The following SMAP1 variants were observed in gnomAD, a reference collection of about 807,000 sequenced individuals.
SMAP1 encodes small ArfGAP 1, also known as stromal membrane-associated protein 1.
In SMAP1, 24 loss-of-function variants were observed where a neutral mutation model predicts 58.5. That is an observed-to-expected ratio of 0.41 (90% CI 0.30 to 0.58). SMAP1 has a LOEUF of 0.58. Ranked by LOEUF, SMAP1 falls within the 20% of genes least tolerant of loss-of-function variation. The pLI, the probability that SMAP1 is intolerant of heterozygous loss-of-function variation, is 0.29. For missense variants in SMAP1, 563 were observed against 566.3 expected (o/e 0.99, Z 0.06); for synonymous variants, 216 against 196.6 (o/e 1.10, Z -0.82).
At chr6:70,816,052 CAG>C (rs1015555216) in intron 6 of SMAP1, among the ~76,000 whole-genome samples, 3 of 151,986 alleles carry the variant, frequency 2.0e-5, no homozygotes, top group Admixed American at 6.6e-5. Context: ...CAATAGGAGA[CAG>C]AGTGTGGAGG....
In SMAP1 at chr6:70,760,875, T is replaced by TCC; in HGVS notation, c.338+5810_338+5811insCC. Among the ~76,000 whole-genome samples, 3 of 152,196 alleles carry TCC rather than the reference T, an allele frequency of 2.0e-5. No homozygotes were observed. In the Middle Eastern group the frequency reaches 0.01, roughly 518 times the overall value. On this transcript the variant is annotated intron_variant, in intron 3 of 10. Transcript: ENST00000370455. Reference sequence around the variant, plus strand: ...GTGTAATTTCTAATGTGGGATGTGGTTAATTATAGGCTGCATGTCCTAGTG... The same window carrying TCC: ...GTGTAATTTCTAATGTGGGATGTGGTCCTAATTATAGGCTGCATGTCCTAGTG...
chr6:70,833,351 C>G (rs1228753708), intron 6 of SMAP1, among the ~76,000 whole-genome samples: 1 of 152,156 alleles, frequency 6.6e-6, no homozygotes. Flanking sequence ...AAAGTAATCT[C>G]TAAAATCACC....
At chr6:70,765,925 A>G (rs1312302219) in intron 3 of SMAP1, among the ~76,000 whole-genome samples, 2 of 123,834 alleles carry the variant, frequency 1.6e-5, no homozygotes, top group Non-Finnish European at 3.2e-5. Context: ...TCCCCAGAGT[A>G]TGATGTTCCC....
intron 4 of SMAP1, among the ~76,000 whole-genome samples, chr6:70,786,514 G>C (rs1188810868): frequency 6.9e-6 from 1 of 145,722 alleles, no homozygotes; most frequent in Non-Finnish European, 1.5e-5. Flanking sequence ...AAGTCAAATT[G>C]TCCCTGTTTG....
chr6:70,773,058 T>A (rs949408974), intron 3 of SMAP1: 3 of 297,318 alleles, frequency 1.0e-5, no homozygotes, highest in Non-Finnish European at 1.9e-5. Flanking sequence ...AGTGTGGTGA[T>A]GCATTGATAG....
chr6:70,730,697 A>G (rs1356196120), intron 1 of SMAP1, among the ~76,000 whole-genome samples: 3 of 152,192 alleles, frequency 2.0e-5, no homozygotes, highest in Non-Finnish European at 4.4e-5. Flanking sequence ...TAATTTTACT[A>G]TATTGTACTT....
intron 3 of SMAP1, among the ~76,000 whole-genome samples, chr6:70,766,983 G>T (rs1767017835): frequency 1.3e-5 from 2 of 151,926 alleles, no homozygotes; most frequent in African/African-American, 4.8e-5. Flanking sequence ...AGTTTTCCCA[G>T]CATCATTTAT....
At chr6:70,756,679 A>T (rs1766504826) in intron 3 of SMAP1, among the ~76,000 whole-genome samples, 1 of 152,062 alleles carries the variant, frequency 6.6e-6, no homozygotes, top group Non-Finnish European at 1.5e-5. Context: ...CACATGAAGG[A>T]TTTTGTCAAT....
At chr6:70,839,711 G>A (rs989435864) in intron 7 of SMAP1, among the ~76,000 whole-genome samples, 1 of 152,208 alleles carries the variant, frequency 6.6e-6, no homozygotes, top group Non-Finnish European at 1.5e-5. Flanking sequence ...CTGTCTTGCT[G>A]TGAGGGAGTT....
chr6:70,772,048 C>G (rs1767347980), intron 3 of SMAP1, among the ~76,000 whole-genome samples: 1 of 152,186 alleles, frequency 6.6e-6, no homozygotes, highest in African/African-American at 2.4e-5. Context: ...CACCCACACT[C>G]ACTCATACTG....
Position 70,740,728 on chromosome 6 carries a change from A to G in SMAP1, c.252+8217A>G, listed in dbSNP as rs561361321. Among the ~76,000 whole-genome samples the G allele has an allele frequency of 2.4e-3, 373 of 152,252 alleles. 4 individuals are homozygous for G. In the South Asian group the frequency reaches 0.026, roughly 11 times the overall value. On this transcript the variant is annotated intron_variant, in intron 2 of 10. Coordinates refer to ENST00000370455, the MANE Select transcript of SMAP1 (RefSeq NM_001044305.3). ...TCCAAGCTTATTGTGGCCCATTCACACTTAATTGTTATTGGACTGTGTATT... is the reference window on the plus strand; with the variant it reads ...TCCAAGCTTATTGTGGCCCATTCACGCTTAATTGTTATTGGACTGTGTATT...
At chr6:70,800,845 C>T (rs1370246222) in intron 6 of SMAP1, among the ~76,000 whole-genome samples, 1 of 152,170 alleles carries the variant, frequency 6.6e-6, no homozygotes, top group Non-Finnish European at 1.5e-5. Context: ...AGGACATGAA[C>T]TCGTCCTTTT....
intron 6 of SMAP1, among the ~76,000 whole-genome samples, chr6:70,831,387 C>T (rs1224970209): frequency 6.6e-6 from 1 of 151,966 alleles, no homozygotes; most frequent in Non-Finnish European, 1.5e-5. Context: ...AAGCATAATA[C>T]CTGATAGTTT....
At chr6:70,734,124 G>A (rs1298844177) in intron 2 of SMAP1, among the ~76,000 whole-genome samples, 1 of 146,946 alleles carries the variant, frequency 6.8e-6, no homozygotes, top group African/African-American at 2.5e-5. Context: ...GCTCTGTCTG[G>A]CCCCCCTCCC....
intron 7 of SMAP1, among the ~76,000 whole-genome samples, chr6:70,837,473 A>G (rs1770638154): frequency 6.6e-6 from 1 of 152,180 alleles, no homozygotes; most frequent in East Asian, 1.9e-4. Flanking sequence ...GAAGCAACAC[A>G]TTTTGCATCC....
rs934168730 is a variant in SMAP1, at chr6:70,861,364, T to C, written c.*1030T>C. The stretch of plus-strand genomic sequence containing the variant: ...GGGCAAATTGGAGAAAAAGAAAAAA[T>C]ATATACTCAAGAGTGGTATCTTGCA... On this transcript the variant is annotated 3_prime_UTR_variant, in exon 11 of 11. Transcript: ENST00000370455. 2 of 269,586 alleles carry C rather than the reference T, an allele frequency of 7.4e-6. No individual in the cohort carries two copies. The highest frequency in any genetic ancestry group is 4.3e-5 in the African/African-American group (2 of 46,438). The allele number at this position is 269,586 out of a possible 1,614,324, so 16.7% of individuals were successfully genotyped here.
chr6:70,719,810 C>T (rs760551739), intron 1 of SMAP1, among the ~76,000 whole-genome samples: 31 of 152,074 alleles, frequency 2.0e-4, no homozygotes, highest in East Asian at 5.8e-4. Context: ...ATGAGAATAG[C>T]GTGGGAAAGA....
At chr6:70,758,039 T>G (rs1167323691) in intron 3 of SMAP1, among the ~76,000 whole-genome samples, 2 of 152,204 alleles carry the variant, frequency 1.3e-5, no homozygotes, top group Non-Finnish European at 2.9e-5. Flanking sequence ...CAAAGGACTA[T>G]AAATCTTGCT....
intron 1 of SMAP1, among the ~76,000 whole-genome samples, chr6:70,699,880 T>C (rs1032925134): frequency 6.6e-6 from 1 of 152,008 alleles, no homozygotes; most frequent in Non-Finnish European, 1.5e-5. Context: ...GGAGCCTGCT[T>C]GGTGCTCCAC....
Sources: allele counts gnomAD v4.1 joint callset (sites outside exome capture counted in the v4.1 genomes callset), GRCh38; gene constraint gnomAD v4.1.1; transcripts MANE v1.5; gene names NCBI Gene and HGNC (gene_info 2026-07-23, HGNC 2026-07-21).